Variants in ILRUN observed in about 807,000 individuals in gnomAD.
ILRUN encodes the protein protein ILRUN.
In ILRUN, 3 loss-of-function variants were observed where a neutral mutation model predicts 33.8. The observed-to-expected ratio is 0.09, with a 90% CI of 0.04 to 0.23. ILRUN has a LOEUF of 0.23. Ranked by LOEUF, ILRUN falls within the 10% of genes least tolerant of loss-of-function variation. The pLI, the probability that ILRUN is intolerant of heterozygous loss-of-function variation, is 1.00. For missense variants in ILRUN, 210 were observed against 375.1 expected, an observed-to-expected ratio of 0.56 and a Z score of 3.64; for synonymous variants, 124 against 138.9, an observed-to-expected ratio of 0.89 and a Z score of 0.75.
chr6:34,587,812 A>C lies in ILRUN; in HGVS notation c.*2753T>G, dbSNP rs543626280. 2.6e-6 allele frequency: 1 copy of C among 378,508 alleles called. No individual in the cohort carries two copies. The highest frequency in any genetic ancestry group is 4.7e-6 in the Non-Finnish European group (1 of 213,408). 23.4% of individuals were successfully genotyped at this position (378,508 alleles called of 1,614,324 possible). A position where few individuals can be genotyped will look rare whatever the true frequency, so the allele number is the denominator to read the frequency against. ...CGTGCACATCCATCCACACACACAC[A>C]CCTCACTCCATGCACACTGACAGAT... On this transcript the variant is annotated 3_prime_UTR_variant, in exon 5 of 5. Transcript: ENST00000374023.
At chr6:34,625,334 G>A (rs1023473519) in intron 3 of ILRUN, among the ~76,000 whole-genome samples, 5 of 152,114 alleles carry the variant, frequency 3.3e-5, no homozygotes, top group African/African-American at 1.2e-4. Context: ...ACAGAGCTCT[G>A]GGGGCATTAA....
intron 3 of ILRUN, among the ~76,000 whole-genome samples, chr6:34,608,668 C>T (rs770954909): frequency 2.6e-5 from 4 of 151,964 alleles, no homozygotes; most frequent in Non-Finnish European, 4.4e-5. Context: ...TCCATTATAA[C>T]TTTATGGGAC....
At chr6:34,696,406 C>G (rs780610122) in intron 1 of ILRUN, 40 bp downstream of exon 1, 10 of 1,535,456 alleles carry the variant, frequency 6.5e-6, no homozygotes, top group Non-Finnish European at 8.8e-6. Flanking sequence ...TCGGGGCCCC[C>G]GAGGCCGCTG....
At chr6:34,686,173 T>C (rs914766853) in intron 1 of ILRUN, among the ~76,000 whole-genome samples, 18 of 152,132 alleles carry the variant, frequency 1.2e-4, no homozygotes, top group Non-Finnish European at 2.4e-4. Flanking sequence ...GCAATTTATA[T>C]ACCCAATAAG....
chr6:34,651,197 C>T (rs1762661202), intron 2 of ILRUN, among the ~76,000 whole-genome samples: 1 of 152,114 alleles, frequency 6.6e-6, no homozygotes, highest in African/African-American at 2.4e-5. Flanking sequence ...GGACAACTTC[C>T]AGAAGAGAAA....
intron 1 of ILRUN, among the ~76,000 whole-genome samples, chr6:34,665,717 C>A (rs1449329611): frequency 6.6e-6 from 1 of 152,042 alleles, no homozygotes; most frequent in Non-Finnish European, 1.5e-5. Context: ...GTATGAGCCA[C>A]CACGCCCAGC....
chr6:34,619,822 T>C (rs1761975856), intron 3 of ILRUN, among the ~76,000 whole-genome samples: 2 of 151,912 alleles, frequency 1.3e-5, no homozygotes, highest in Non-Finnish European at 2.9e-5. Flanking sequence ...CCGTCTCTAC[T>C]AAAAATACAA....
In ILRUN at chr6:34,606,781, G is replaced by A; in HGVS notation, c.635C>T (p.Pro212Leu). 1 of 1,614,140 alleles carries A rather than the reference G, an allele frequency of 6.2e-7. No homozygotes were observed. The highest frequency in any genetic ancestry group is 8.5e-7 in the Non-Finnish European group (1 of 1,180,020). Residue 212 changes from proline to leucine, a missense_variant, in exon 4 of 5, where the codon CCT (proline) becomes CTT (leucine). By Grantham distance (98) the Pro-to-Leu change is moderately conservative (BLOSUM62 -3). This residue lies in a region of ILRUN where 60 missense variants were observed against 138.1 expected (regional missense o/e 0.43). Coordinates refer to ENST00000374023, the MANE Select transcript of ILRUN (RefSeq NM_024294.4). ...TCGGTTCTTTTGGGGAGAGGCAAAA[G>A]GGTTGAAGTTTCCTTCTACCTTACG... ...PHRKVEGNFN[P>L]FASPQKNRQS...
intron 1 of ILRUN, among the ~76,000 whole-genome samples, chr6:34,693,599 CAT>C (rs1393233377): frequency 2.0e-5 from 3 of 151,936 alleles, no homozygotes; most frequent in Non-Finnish European, 4.4e-5. Context: ...ATGTCATCAA[CAT>C]ATATGCTACT....
At chr6:34,604,936 C>A (rs1223679010) in intron 4 of ILRUN, among the ~76,000 whole-genome samples, 1 of 152,170 alleles carries the variant, frequency 6.6e-6, no homozygotes, top group African/African-American at 2.4e-5. Context: ...TGAATGAAGT[C>A]TTTCCTACTA....
At chr6:34,636,037 G>C (rs1366423973) in intron 3 of ILRUN, among the ~76,000 whole-genome samples, 3 of 152,122 alleles carry the variant, frequency 2.0e-5, no homozygotes, top group Non-Finnish European at 4.4e-5. Context: ...AGGAAGAATT[G>C]CTTGAGGCCA....
At chr6:34,652,529 C>T (rs1169416531) in intron 2 of ILRUN, among the ~76,000 whole-genome samples, 1 of 152,174 alleles carries the variant, frequency 6.6e-6, no homozygotes, top group African/African-American at 2.4e-5. Context: ...CAATTTGGTA[C>T]ATTCTTACAT....
chr6:34,647,556 T>A (rs753874216), intron 2 of ILRUN, among the ~76,000 whole-genome samples: 2 of 152,102 alleles, frequency 1.3e-5, no homozygotes, highest in Admixed American at 6.6e-5. Flanking sequence ...TAGATTTTTA[T>A]AGAGTTACAG....
At chr6:34,628,779 AG>A (rs1315820557) in intron 3 of ILRUN, among the ~76,000 whole-genome samples, 6 of 151,986 alleles carry the variant, frequency 3.9e-5, no homozygotes, top group South Asian at 4.2e-4. Context: ...AGAAGGAGTT[AG>A]GAAGTATTCC....
intron 3 of ILRUN, among the ~76,000 whole-genome samples, chr6:34,637,864 C>CTGCTGCTGCTGCTGTTGT (rs749114775): frequency 9.9e-4 from 141 of 142,014 alleles, no homozygotes; most frequent in African/African-American, 3.7e-3. Flanking sequence ...GCTGCTGCTG[C>CTGCTGCTGCTGCTGTTGT]TGTTGTTGTT....
intron 1 of ILRUN, among the ~76,000 whole-genome samples, chr6:34,676,240 CA>C (rs34017008): frequency 0.18 from 25,287 of 143,180 alleles, 2,892 homozygotes; most frequent in African/African-American, 0.33. Flanking sequence ...ATTGTCTCTA[CA>C]AAAAAAAAAA....
chr6:34,683,487 C>CATATATATATATATACAT (rs1229592329), intron 1 of ILRUN, among the ~76,000 whole-genome samples: 1 of 81,884 alleles, frequency 1.2e-5, no homozygotes, highest in Non-Finnish European at 2.1e-5. Context: ...TATATATATA[C>CATATATATATATATACAT]ATATATATAT....
intron 1 of ILRUN, among the ~76,000 whole-genome samples, chr6:34,683,470 A>ATG (rs1763434265): frequency 3.0e-5 from 3 of 98,468 alleles, no homozygotes; most frequent in African/African-American, 1.3e-4. Context: ...ATACATATAT[A>ATG]TACACATATA....
chr6:34,663,086 C>A (rs1044539085), intron 1 of ILRUN, among the ~76,000 whole-genome samples: 14 of 151,580 alleles, frequency 9.2e-5, no homozygotes, highest in Admixed American at 3.9e-4. Flanking sequence ...AGAGTGAGAT[C>A]CTGTCTCAAA....
Sources: allele counts gnomAD v4.1 joint callset (sites outside exome capture counted in the v4.1 genomes callset), GRCh38; gene constraint gnomAD v4.1.1; regional missense constraint gnomAD v4.1.1; transcripts MANE v1.5; gene names NCBI Gene and HGNC (gene_info 2026-07-23, HGNC 2026-07-21).